KCTD16: variants seen among roughly 807,000 people sequenced by gnomAD.
The protein encoded by KCTD16 is potassium channel tetramerization domain containing 16, also known as BTB/POZ domain-containing protein KCTD16.
A neutral mutation model predicts 33.2 loss-of-function variants in KCTD16; 13 were observed. That is an observed-to-expected ratio of 0.39 (90% CI 0.25 to 0.62). The LOEUF (loss-of-function observed/expected upper bound fraction) is 0.62, where lower values mean the gene tolerates loss of function less well. Ranked by LOEUF, KCTD16 falls within the 20% of genes least tolerant of loss-of-function variation. The probability of loss-of-function intolerance (pLI) is 0.50; values close to 1 mark genes in which losing one functional copy is unlikely to be tolerated. For synonymous variants in KCTD16, 197 were observed against 195.3 expected, an observed-to-expected ratio of 1.01 and a Z score of -0.07; for missense variants, 441 against 525.1, an observed-to-expected ratio of 0.84 and a Z score of 1.57.
intron 3 of KCTD16, among the ~76,000 whole-genome samples, chr5:144,427,173 A>C (rs1392371386): frequency 6.6e-6 from 1 of 151,922 alleles, no homozygotes; most frequent in Non-Finnish European, 1.5e-5. Flanking sequence ...TTACCCAGAC[A>C]CTTTGGGAGA....
At chr5:144,469,084 A>T (rs1754412804) in intron 3 of KCTD16, among the ~76,000 whole-genome samples, 1 of 152,190 alleles carries the variant, frequency 6.6e-6, no homozygotes, top group Non-Finnish European at 1.5e-5. Flanking sequence ...GGCTTTAAGG[A>T]CTTAATATAA....
At chr5:144,381,150 G>T (rs183232578) in intron 3 of KCTD16, among the ~76,000 whole-genome samples, 1 of 151,784 alleles carries the variant, frequency 6.6e-6, no homozygotes, top group East Asian at 1.9e-4. Flanking sequence ...CAAAGGACAC[G>T]AACAGACACT....
In KCTD16 at chr5:144,475,823, G is replaced by A. The variant is rs1013467250; in HGVS notation, c.*1709G>A. The A allele has an allele frequency of 6.6e-6, 1 of 152,516 alleles. No homozygotes were observed. Among genetic ancestry groups the A allele is most frequent in the Non-Finnish European group, 1.5e-5 (1 of 68,026 alleles). 9.4% of individuals were successfully genotyped at this position (152,516 alleles called of 1,614,324 possible). On this transcript the variant is annotated 3_prime_UTR_variant, in exon 4 of 4. Coordinates refer to ENST00000512467, the MANE Select transcript of KCTD16 (RefSeq NM_020768.4). ...TGTCTTGATTTCTGTTCTTAGTGAT[G>A]ATTAGTATATGAATATCTTTCTGAA...
chr5:144,267,763 T>C (rs1378511166), intron 3 of KCTD16, among the ~76,000 whole-genome samples: 1 of 152,186 alleles, frequency 6.6e-6, no homozygotes, highest in Non-Finnish European at 1.5e-5. Context: ...TCTATGGTGA[T>C]ATGTTTGAGC....
At chr5:144,196,340 T>C (rs1161438456) in intron 2 of KCTD16, among the ~76,000 whole-genome samples, 3 of 152,152 alleles carry the variant, frequency 2.0e-5, no homozygotes, top group Non-Finnish European at 2.9e-5. Flanking sequence ...ATCAGTCACT[T>C]CCATTGGGCA....
intron 3 of KCTD16, among the ~76,000 whole-genome samples, chr5:144,428,858 C>T (rs1753394299): frequency 1.3e-5 from 2 of 152,146 alleles, no homozygotes; most frequent in African/African-American, 4.8e-5. Context: ...AGATGCTGTT[C>T]CTTAATAATT....
At chr5:144,409,412 A>G (rs1263339966) in intron 3 of KCTD16, among the ~76,000 whole-genome samples, 1 of 152,130 alleles carries the variant, frequency 6.6e-6, no homozygotes, top group Non-Finnish European at 1.5e-5. Context: ...AACCTTTGAC[A>G]TAATTCTTGG....
chr5:144,367,959 G>A (rs1001556342), intron 3 of KCTD16, among the ~76,000 whole-genome samples: 4 of 151,318 alleles, frequency 2.6e-5, no homozygotes, highest in African/African-American at 9.7e-5. Context: ...CTTCTGATAC[G>A]TTCTAACATC....
intron 2 of KCTD16, among the ~76,000 whole-genome samples, chr5:144,185,023 AC>A (rs1395472490): frequency 6.6e-6 from 1 of 152,204 alleles, no homozygotes; most frequent in African/African-American, 2.4e-5. Context: ...TGTGTCAGGC[AC>A]TGTTCTAAAT....
At chr5:144,406,247 A>G (rs1159500518) in intron 3 of KCTD16, among the ~76,000 whole-genome samples, 2 of 152,164 alleles carry the variant, frequency 1.3e-5, no homozygotes, top group Non-Finnish European at 2.9e-5. Flanking sequence ...TTCTAGCCCT[A>G]AGCAGTGGCT....
chr5:144,322,231 C>T lies in KCTD16; in HGVS notation c.832+114685C>T, dbSNP rs530059693. ...GGTAGGCAGAAGAGAATGTCGTGGA[C>T]ACCTGTTCTATCTACCTGCCTAGCA... On this transcript the variant is annotated intron_variant, in intron 3 of 3. Transcript: ENST00000512467. Among the ~76,000 whole-genome samples, 3 of 152,162 alleles carry T rather than the reference C, an allele frequency of 2.0e-5. No homozygotes were observed. The South Asian group carries it at 6.2e-4, about 32-fold the overall frequency.
At chr5:144,256,039 G>C (rs1754836877) in intron 3 of KCTD16, among the ~76,000 whole-genome samples, 1 of 152,156 alleles carries the variant, frequency 6.6e-6, no homozygotes, top group African/African-American at 2.4e-5. Flanking sequence ...ACCTGTGCTT[G>C]TTCTCAAAAA....
intron 3 of KCTD16, among the ~76,000 whole-genome samples, chr5:144,293,460 G>T (rs548026712): frequency 1.3e-5 from 2 of 151,818 alleles, no homozygotes; most frequent in South Asian, 2.1e-4. Flanking sequence ...TTAAATTATT[G>T]TTTATAAAGG....
At chr5:144,349,939 C>T (rs1003161807) in intron 3 of KCTD16, among the ~76,000 whole-genome samples, 10 of 152,152 alleles carry the variant, frequency 6.6e-5, no homozygotes, top group Middle Eastern at 3.2e-3. Flanking sequence ...CTTCCTGTAG[C>T]GCAGGCAGCT....
chr5:144,353,554 G>A (rs1244763568), intron 3 of KCTD16, among the ~76,000 whole-genome samples: 7 of 152,112 alleles, frequency 4.6e-5, no homozygotes, highest in African/African-American at 1.7e-4. Flanking sequence ...TTAAAATAAT[G>A]TATATAAAGT....
intron 3 of KCTD16, among the ~76,000 whole-genome samples, chr5:144,211,350 A>G (rs562614381): frequency 2.0e-5 from 3 of 152,196 alleles, no homozygotes; most frequent in African/African-American, 7.2e-5. Flanking sequence ...TCTCCTGGCT[A>G]CTTGAAAGAT....
intron 3 of KCTD16, among the ~76,000 whole-genome samples, chr5:144,444,210 C>A (rs373727368): frequency 6.6e-6 from 1 of 150,542 alleles, no homozygotes; most frequent in Non-Finnish European, 1.5e-5. Flanking sequence ...CCCCTCCCCC[C>A]TCCACACACA....
rs1754580380 is a variant in KCTD16, at chr5:144,475,740, G to A, written c.*1626G>A. The stretch of plus-strand genomic sequence containing the variant: ...ATGATATCTGTAGGAGGAAAACAAT[G>A]ACTAATTTCTTCCTTTTGAAATCTT... On this transcript the variant is annotated 3_prime_UTR_variant, in exon 4 of 4. Transcript: ENST00000512467. 1 of 152,634 alleles carries A rather than the reference G, an allele frequency of 6.6e-6. No individual in the cohort carries two copies. The highest frequency in any genetic ancestry group is 1.5e-5 in the Non-Finnish European group (1 of 68,036). 9.5% of individuals were successfully genotyped at this position (152,634 alleles called of 1,614,324 possible).
intron 3 of KCTD16, among the ~76,000 whole-genome samples, chr5:144,207,846 G>A (rs1053913552): frequency 1.3e-5 from 2 of 152,210 alleles, no homozygotes; most frequent in Admixed American, 1.3e-4. Context: ...GCCAGATATT[G>A]AATTGAGAAA....
Sources: allele counts gnomAD v4.1 joint callset (sites outside exome capture counted in the v4.1 genomes callset), GRCh38; gene constraint gnomAD v4.1.1; transcripts MANE v1.5; gene names NCBI Gene and HGNC (gene_info 2026-07-23, HGNC 2026-07-21).